COL27A1: variants seen among roughly 807,000 people sequenced by gnomAD.
The protein encoded by COL27A1 is collagen type XXVII alpha 1 chain.
In COL27A1, 106 loss-of-function variants were observed where a neutral mutation model predicts 251.3. The ratio of observed to expected loss-of-function variants is 0.42; its 90% CI spans 0.36 to 0.50. The LOEUF is 0.50. COL27A1 is among the 20% of genes least tolerant of loss of function. The probability of loss-of-function intolerance (pLI) is 0.00; values close to 1 mark genes in which losing one functional copy is unlikely to be tolerated. For synonymous variants in COL27A1, 1,000 were observed against 986.3 expected (o/e 1.01, Z -0.26); for missense variants, 2,325 against 2,522.8 (o/e 0.92, Z 1.68).
intron 5 of COL27A1, among the ~76,000 whole-genome samples, chr9:114,188,623 TATACATACACAGGC>T (rs755650823): frequency 9.9e-5 from 15 of 152,210 alleles, no homozygotes; most frequent in Non-Finnish European, 1.8e-4. Context: ...TATATTTGTA[TATACATACACAGGC>T]ATACATACAC....
intron 49 of COL27A1, among the ~76,000 whole-genome samples, chr9:114,296,593 A>C (rs184388865): frequency 2.0e-5 from 3 of 152,254 alleles, no homozygotes; most frequent in Non-Finnish European, 4.4e-5. Context: ...GAAACTTTCA[A>C]ATGCTGATAA....
At chr9:114,200,737 TA>T (rs1450958995) in intron 7 of COL27A1, among the ~76,000 whole-genome samples, 1 of 152,214 alleles carries the variant, frequency 6.6e-6, no homozygotes, top group Non-Finnish European at 1.5e-5. Flanking sequence ...CATCACATAA[TA>T]AGACCCTCTA....
Position 114,231,916 on chromosome 9 carries a change from C to T in COL27A1, c.2565+50C>T, listed in dbSNP as rs190912459. ...ACTGTGGTTTCTCTGCATGCCACCCCCCTCTCCGCCCGGAGGCTGCTGCTG... is the reference window on the plus strand; with the variant it reads ...ACTGTGGTTTCTCTGCATGCCACCCTCCTCTCCGCCCGGAGGCTGCTGCTG... On this transcript the variant is annotated intron_variant, in intron 16 of 60. Transcript: ENST00000356083. 2.2e-5 allele frequency: 34 copies of T among 1,573,488 alleles called. No individual in the cohort carries two copies. The African/African-American group carries it at 2.7e-4, about 12-fold the overall frequency.
At chr9:114,293,550 CAA>C (rs113550290) in intron 49 of COL27A1, among the ~76,000 whole-genome samples, 16,958 of 131,718 alleles carry the variant, frequency 0.13, 1,022 homozygotes, top group East Asian at 0.23. Flanking sequence ...AAAAATAAAC[CAA>C]AAAAAAAAAA....
At chr9:114,229,516 G>A (rs1831775727) in intron 14 of COL27A1, among the ~76,000 whole-genome samples, 1 of 152,064 alleles carries the variant, frequency 6.6e-6, no homozygotes, top group East Asian at 1.9e-4. Context: ...TGGCTACTGG[G>A]GCAGCCTTTG....
Position 114,301,270 on chromosome 9 carries a change from G to T in COL27A1, c.4756-14G>T. On this transcript the variant is annotated splice_polypyrimidine_tract_variant and intron_variant, in intron 52 of 60. Coordinates refer to ENST00000356083, the MANE Select transcript of COL27A1 (RefSeq NM_032888.4). ...CCTCTGGGCCCTGTCTCACTGGGCC[G>T]TGGTTTGTTGCAGGGTCCGAAGGGT... is the stretch of plus-strand genomic sequence containing the variant. The T allele has an allele frequency of 6.2e-7, 1 of 1,612,430 alleles. No individual in the cohort carries two copies. Among genetic ancestry groups the T allele is most frequent in the Non-Finnish European group, 8.5e-7 (1 of 1,179,216 alleles).
intron 3 of COL27A1, among the ~76,000 whole-genome samples, chr9:114,174,704 C>A (rs1849560534): frequency 6.6e-6 from 1 of 152,176 alleles, no homozygotes; most frequent in African/African-American, 2.4e-5. Flanking sequence ...CACAGCTGGA[C>A]AAACTAAGGC....
intron 22 of COL27A1, among the ~76,000 whole-genome samples, chr9:114,242,645 G>A (rs533349637): frequency 6.6e-6 from 1 of 152,252 alleles, no homozygotes; most frequent in South Asian, 2.1e-4. Context: ...ACCCCTTCTT[G>A]GTCCCAGCCA....
In COL27A1 at chr9:114,227,087, T is replaced by C. The variant is rs182132578; in HGVS notation, c.2467-3992T>C. Among the ~76,000 whole-genome samples the C allele has an allele frequency of 2.0e-4, 31 of 152,186 alleles. 1 individual carries two copies. In the East Asian group the frequency reaches 5.4e-3, roughly 27 times the overall value. On this transcript the variant is annotated intron_variant, in intron 14 of 60. Transcript: ENST00000356083. ...AGCTTGAGCCAGGGTCGGGGAGATA[T>C]GTCAGTGGCTAAGTATGTCACAGCT...
chr9:114,220,994 CAAA>C (rs35673362), intron 13 of COL27A1, among the ~76,000 whole-genome samples: 4 of 107,756 alleles, frequency 3.7e-5, no homozygotes, highest in African/African-American at 7.9e-5. Flanking sequence ...GACTCTGTCT[CAAA>C]AAAAAAAAAA....
chr9:114,305,610 C>T (rs1192007678), intron 57 of COL27A1, among the ~76,000 whole-genome samples: 2 of 152,214 alleles, frequency 1.3e-5, no homozygotes, highest in African/African-American at 4.8e-5. Context: ...CTGCCAGGGG[C>T]TCTGCCCTCT....
chr9:114,247,816 G>A (rs1833248327), intron 24 of COL27A1, among the ~76,000 whole-genome samples: 1 of 152,250 alleles, frequency 6.6e-6, no homozygotes, highest in Admixed American at 6.5e-5. Flanking sequence ...GGATCCCTGG[G>A]AAAGTTCTGA....
chr9:114,301,888 G>A (rs572073336), intron 55 of COL27A1, among the ~76,000 whole-genome samples, 171 bp downstream of exon 55: 4 of 152,232 alleles, frequency 2.6e-5, no homozygotes, highest in South Asian at 2.1e-4. Context: ...TTTTGCCTAC[G>A]TGGGGTAACA....
chr9:114,232,847 C>T (rs369170936), intron 16 of COL27A1, among the ~76,000 whole-genome samples: 1 of 152,178 alleles, frequency 6.6e-6, no homozygotes, highest in Non-Finnish European at 1.5e-5. Flanking sequence ...CCAAGGCGGG[C>T]GGATCATAAG....
chr9:114,201,938 G>A lies in COL27A1; in HGVS notation c.2125-3164G>A, dbSNP rs573795509. 2.4e-4 allele frequency among the ~76,000 whole-genome samples: 37 copies of A among 152,282 alleles called. 1 individual carries two copies. In the South Asian group the frequency reaches 6.6e-3, roughly 27 times the overall value. ...GCGGGATTGGAGTCACAGGCCAGGC[G>A]CTGCCCCTAGAAAGCTGTGTGGCCT... On this transcript the variant is annotated intron_variant, in intron 7 of 60. Transcript: ENST00000356083.
Position 114,162,712 on chromosome 9 carries a change from T to C in COL27A1, c.63-3T>C, listed in dbSNP as rs777694137. 1 of 1,611,418 alleles carries C rather than the reference T, an allele frequency of 6.2e-7. No homozygotes were observed. Among genetic ancestry groups the C allele is most frequent in the Non-Finnish European group, 8.5e-7 (1 of 1,178,546 alleles). ...GCCTCTGCTTGTGTCTCCTGGTCTC[T>C]AGGGGGTTTCTCTTCTCCTGGATCT... is the stretch of plus-strand genomic sequence containing the variant. On this transcript the variant is annotated splice_region_variant and splice_polypyrimidine_tract_variant and intron_variant, in intron 1 of 60. Coordinates refer to ENST00000356083, the MANE Select transcript of COL27A1 (RefSeq NM_032888.4).
At chr9:114,218,139 C>A in intron 12 of COL27A1, 1 of 232,622 alleles carries the variant, frequency 4.3e-6, no homozygotes, top group Non-Finnish European at 8.6e-6. Flanking sequence ...CTGGACACAG[C>A]CCACCTGGCT....
rs549786510 is a variant in COL27A1, at chr9:114,310,870, G to T, written c.*175G>T. On this transcript the variant is annotated 3_prime_UTR_variant, in exon 61 of 61. Coordinates refer to ENST00000356083, the MANE Select transcript of COL27A1 (RefSeq NM_032888.4). ...GTGGGTGGGGGTAGGAGGGGATAGG[G>T]TGTCCTTGGGAACAATGGATCCCAG... The T allele has an allele frequency of 1.1e-3, 656 of 592,754 alleles. 3 individuals are homozygous for T. The African/African-American group carries it at 0.011, about 10-fold the overall frequency. 36.7% of individuals were successfully genotyped at this position (592,754 alleles called of 1,614,324 possible). A position where few individuals can be genotyped will look rare whatever the true frequency, so the allele number is the denominator to read the frequency against.
intron 5 of COL27A1, among the ~76,000 whole-genome samples, chr9:114,187,720 T>TTGGC (rs1302717349): frequency 1.3e-5 from 2 of 152,248 alleles, no homozygotes; most frequent in Non-Finnish European, 2.9e-5. Flanking sequence ...TGTTAGCAAC[T>TTGGC]TGGCATCCAT....
Sources: gnomAD v4.1 joint callset for allele counts (sites outside exome capture counted in the v4.1 genomes callset) on GRCh38, gnomAD v4.1.1 for gene constraint, MANE v1.5 for transcripts, NCBI Gene and HGNC (gene_info 2026-07-23, HGNC 2026-07-21) for gene names.